Variants in DCC observed in about 807,000 individuals in gnomAD.
DCC encodes the protein netrin receptor DCC.
Under a neutral mutation model 172.5 loss-of-function variants are expected in DCC, and 58 were observed. The ratio of observed to expected loss-of-function variants is 0.34; its 90% CI spans 0.27 to 0.42. The LOEUF (loss-of-function observed/expected upper bound fraction) is 0.42. DCC is among the 10% of genes least tolerant of loss of function. DCC has a pLI of 1.00. For missense variants in DCC, 1,740 were observed against 1,791.0 expected (o/e 0.97, Z 0.51); for synonymous variants, 709 against 644.5 (o/e 1.10, Z -1.52).
chr18:53,303,199 T>C (rs1386492639), intron 12 of DCC, among the ~76,000 whole-genome samples: 1 of 152,246 alleles, frequency 6.6e-6, no homozygotes, highest in Non-Finnish European at 1.5e-5. Flanking sequence ...AGAGATTTCT[T>C]TTAATTCATC....
intron 1 of DCC, among the ~76,000 whole-genome samples, chr18:52,683,042 C>T (rs2035774582): frequency 1.3e-5 from 2 of 152,030 alleles, no homozygotes; most frequent in South Asian, 4.1e-4. Context: ...GCTCAGACCA[C>T]ATAGGATACG....
At chr18:53,404,674 T>A (rs1048697513) in intron 19 of DCC, among the ~76,000 whole-genome samples, 2 of 151,878 alleles carry the variant, frequency 1.3e-5, no homozygotes, top group African/African-American at 4.8e-5. Context: ...GAGCTTGCAG[T>A]GAGCCCCGTT....
chr18:52,541,863 A>ACG (rs1555695190), intron 1 of DCC, among the ~76,000 whole-genome samples: 1 of 125,894 alleles, frequency 7.9e-6, no homozygotes, highest in Admixed American at 8.4e-5. Context: ...AAAGTATATG[A>ACG]TGTGTGTGTG....
chr18:52,524,448 A>T (rs1471664294), intron 1 of DCC, among the ~76,000 whole-genome samples: 1 of 152,228 alleles, frequency 6.6e-6, no homozygotes, highest in Non-Finnish European at 1.5e-5. Context: ...TATTACACTG[A>T]AATGGGATTT....
chr18:53,497,261 A>AATTACAAACTCT (rs2046035845), intron 26 of DCC, among the ~76,000 whole-genome samples: 1 of 152,230 alleles, frequency 6.6e-6, no homozygotes, highest in South Asian at 2.1e-4. Flanking sequence ...TCTTCTGTGA[A>AATTACAAACTCT]ATTACAAACT....
intron 5 of DCC, among the ~76,000 whole-genome samples, chr18:52,928,790 T>C (rs936016500): frequency 6.6e-6 from 1 of 152,118 alleles, no homozygotes; most frequent in African/African-American, 2.4e-5. Context: ...ATCACCTTAA[T>C]TTGTTGAAGA....
intron 2 of DCC, among the ~76,000 whole-genome samples, chr18:52,895,819 G>A (rs2039720351): frequency 6.6e-6 from 1 of 152,096 alleles, no homozygotes; most frequent in South Asian, 2.1e-4. Context: ...GACTGTTGCT[G>A]TGTTGCCCAG....
intron 2 of DCC, among the ~76,000 whole-genome samples, chr18:52,758,274 T>G (rs1034425888): frequency 3.9e-5 from 6 of 152,174 alleles, no homozygotes; most frequent in African/African-American, 1.2e-4. Context: ...TTGGTAATCT[T>G]TTATCTTTCT....
intron 1 of DCC, among the ~76,000 whole-genome samples, chr18:52,695,108 C>T (rs147693547): frequency 1.3e-5 from 2 of 152,088 alleles, no homozygotes; most frequent in Admixed American, 6.6e-5. Context: ...GAATGAATTT[C>T]GTAGGTCTCT....
chr18:53,488,123 G>T (rs570778931), intron 26 of DCC, among the ~76,000 whole-genome samples: 1 of 152,348 alleles, frequency 6.6e-6, no homozygotes, highest in Admixed American at 6.5e-5. Flanking sequence ...AGGGAAACAT[G>T]AAAAGAATGT....
intron 1 of DCC, among the ~76,000 whole-genome samples, chr18:52,395,934 C>A (rs777601987): frequency 6.6e-5 from 10 of 152,056 alleles, no homozygotes; most frequent in Admixed American, 3.3e-4. Flanking sequence ...GATTTCTAAA[C>A]CTTTCCACAG....
At chr18:52,969,584 A>ACTCTCTCTCTCTCTCTCTCTCTCTCT (rs56024197) in intron 5 of DCC, among the ~76,000 whole-genome samples, 1 of 119,440 alleles carries the variant, frequency 8.4e-6, no homozygotes, top group Non-Finnish European at 1.7e-5. Flanking sequence ...CCCGCCCCCC[A>ACTCTCTCTCTCTCTCTCTCTCTCTCT]CTCTCTCTCT....
rs1449404125 is a variant in DCC, at chr18:53,509,534, G to T, written c.4111+10024G>T. 3.3e-5 allele frequency among the ~76,000 whole-genome samples: 5 copies of T among 152,178 alleles called. No homozygotes were observed. In the South Asian group the frequency reaches 1.0e-3, roughly 32 times the overall value. ...GCTTTGCTGAGGCTGACCCTCTGCA[G>T]ATTAGATTATGAGGTAGTTTGGATT... is the stretch of plus-strand genomic sequence containing the variant. On this transcript the variant is annotated intron_variant, in intron 27 of 28. Transcript: ENST00000442544.
chr18:52,415,027 A>G (rs575591671), intron 1 of DCC, among the ~76,000 whole-genome samples: 1 of 152,366 alleles, frequency 6.6e-6, no homozygotes, highest in South Asian at 2.1e-4. Flanking sequence ...TACATTCTAC[A>G]TATGCTAAAA....
chr18:52,395,356 G>C (rs901475778), intron 1 of DCC, among the ~76,000 whole-genome samples: 5 of 152,008 alleles, frequency 3.3e-5, no homozygotes, highest in African/African-American at 4.8e-5. Context: ...TTTGGTTGGA[G>C]AGAAAAAACC....
At chr18:52,841,009 G>A (rs2145317456) in intron 2 of DCC, among the ~76,000 whole-genome samples, 1 of 152,220 alleles carries the variant, frequency 6.6e-6, no homozygotes, top group South Asian at 2.1e-4. Context: ...GGGTGTGGAA[G>A]CTGATTTAGG....
chr18:52,707,021 G>A (rs2036223037), intron 1 of DCC, among the ~76,000 whole-genome samples: 1 of 152,106 alleles, frequency 6.6e-6, no homozygotes, highest in South Asian at 2.1e-4. Flanking sequence ...GAGGGATTAG[G>A]GTCCCATGAA....
chr18:52,370,241 G>A (rs899133140), intron 1 of DCC, among the ~76,000 whole-genome samples: 3 of 152,082 alleles, frequency 2.0e-5, no homozygotes, highest in African/African-American at 7.2e-5. Context: ...GTACCCGAAG[G>A]AATATAAATC....
At chr18:52,512,599 A>G (rs2031482049) in intron 1 of DCC, among the ~76,000 whole-genome samples, 1 of 152,192 alleles carries the variant, frequency 6.6e-6, no homozygotes, top group South Asian at 2.1e-4. Context: ...TTTCTTGAAC[A>G]CCTACTATGT....
Sources: allele counts gnomAD v4.1 joint callset (sites outside exome capture counted in the v4.1 genomes callset), GRCh38; gene constraint gnomAD v4.1.1; transcripts MANE v1.5; gene names NCBI Gene and HGNC (gene_info 2026-07-23, HGNC 2026-07-21).